Variants in WDR27 observed in about 807,000 individuals in gnomAD.
WDR27 encodes the protein WD repeat-containing protein 27.
In WDR27, 100 loss-of-function variants were observed where a neutral mutation model predicts 114.4. The observed-to-expected ratio is 0.87, with a 90% CI of 0.74 to 1.03. The LOEUF (loss-of-function observed/expected upper bound fraction) is 1.03, where lower values mean the gene tolerates loss of function less well. Ranked by LOEUF, WDR27 falls within the 50% of genes least tolerant of loss-of-function variation. WDR27 has a pLI of 0.00. For missense variants in WDR27, 1,129 were observed against 1,092.9 expected (o/e 1.03, Z -0.47); for synonymous variants, 449 against 423.1 (o/e 1.06, Z -0.75).
chr6:169,625,279 T>C (rs2128205731), intron 21 of WDR27, among the ~76,000 whole-genome samples: 1 of 152,332 alleles, frequency 6.6e-6, no homozygotes, highest in South Asian at 2.1e-4. Context: ...TAGTAACGGA[T>C]GGCTCTGTCC....
the WDR27 span, among the ~76,000 whole-genome samples, chr6:169,451,287 G>A: frequency 2.0e-5 from 3 of 152,166 alleles, no homozygotes; most frequent in Non-Finnish European, 4.4e-5. Flanking sequence ...AGCCCCCTGC[G>A]CGCTTTGACT....
intron 23 of WDR27, among the ~76,000 whole-genome samples, chr6:169,592,572 T>C (rs972877493): frequency 6.6e-6 from 1 of 152,224 alleles, no homozygotes; most frequent in African/African-American, 2.4e-5. Context: ...AATTATTTTA[T>C]TGTTCATATT....
chr6:169,651,820 T>A (rs1822651803), intron 14 of WDR27, 110 bp downstream of exon 14: 2 of 926,216 alleles, frequency 2.2e-6, no homozygotes, highest in African/African-American at 1.7e-5. Flanking sequence ...TGCTATGTCC[T>A]CTCTCCATAC....
Position 169,620,487 on chromosome 6 carries a change from A to T in WDR27, c.2224-6831T>A, listed in dbSNP as rs192512841. Among the ~76,000 whole-genome samples, 4 of 152,270 alleles carry T rather than the reference A, an allele frequency of 2.6e-5. No homozygotes were observed. The East Asian group carries it at 7.7e-4, about 29-fold the overall frequency. On this transcript the variant is annotated intron_variant, in intron 21 of 25. Coordinates refer to ENST00000448612, the MANE Select transcript of WDR27 (RefSeq NM_182552.5). ...TTTATGTAAAAATGATGATTCACTG[A>T]GCTAGACTAAATTGTGTATTCAGTG...
chr6:169,672,333 G>T lies in WDR27; in HGVS notation c.253C>A (p.Pro85Thr). 6.2e-7 allele frequency: 1 copy of T among 1,613,112 alleles called. No homozygotes were observed. Among genetic ancestry groups the T allele is most frequent in the Non-Finnish European group, 8.5e-7 (1 of 1,179,398 alleles). The change falls in exon 3 of 26, where the codon CCA (proline) becomes ACA (threonine). Residue 85 changes from proline to threonine, a missense_variant. Physicochemically the swap from Pro to Thr is conservative, Grantham distance 38 (BLOSUM62 -1). Transcript: ENST00000448612. The part of the protein sequence containing the change: ...TAMAFGNKVN[P>T]LLICSASLDY... ...AGTGATGCTGAGCAGATTAGAAGTG[G>T]GTTCACTTTATTTCCAAAAGCCATA...
chr6:169,657,034 C>A (rs538543338), intron 13 of WDR27, among the ~76,000 whole-genome samples: 3 of 152,244 alleles, frequency 2.0e-5, no homozygotes, highest in Admixed American at 1.3e-4. Flanking sequence ...GAGCATAAAC[C>A]GGCAGGAGAC....
intron 25 of WDR27, among the ~76,000 whole-genome samples, chr6:169,520,854 G>T (rs1029398837): frequency 2.0e-5 from 3 of 152,056 alleles, no homozygotes; most frequent in African/African-American, 4.8e-5. Flanking sequence ...GGAAAAAAAT[G>T]AAAAGCAATG....
At chr6:169,536,102 G>GA (rs1267989221) in intron 25 of WDR27, among the ~76,000 whole-genome samples, 4 of 152,080 alleles carry the variant, frequency 2.6e-5, no homozygotes, top group African/African-American at 2.4e-5. Flanking sequence ...TGTGCCAACA[G>GA]AAAAAAATAG....
chr6:169,676,433 C>A (rs1407602891), intron 2 of WDR27, among the ~76,000 whole-genome samples: 1 of 152,152 alleles, frequency 6.6e-6, no homozygotes, highest in Non-Finnish European at 1.5e-5. Flanking sequence ...ATGTTAACTC[C>A]AATTATGTTT....
chr6:169,564,388 C>T (rs1800125996), intron 25 of WDR27, among the ~76,000 whole-genome samples: 1 of 152,228 alleles, frequency 6.6e-6, no homozygotes, highest in African/African-American at 2.4e-5. Context: ...CCTCTGGCAA[C>T]ACCCTCACAG....
chr6:169,481,584 G>A (rs902047437), intron 25 of WDR27, among the ~76,000 whole-genome samples: 3 of 152,294 alleles, frequency 2.0e-5, no homozygotes, highest in Non-Finnish European at 1.5e-5. Flanking sequence ...CACTCCTGAG[G>A]CCAGTGAGAC....
At chr6:169,481,362 TG>T (rs1244192517) in intron 25 of WDR27, among the ~76,000 whole-genome samples, 1 of 152,230 alleles carries the variant, frequency 6.6e-6, no homozygotes, top group Non-Finnish European at 1.5e-5. Flanking sequence ...ATCAGCTCTC[TG>T]TAAAATGGAC....
At chr6:169,638,785 G>T (rs370637049) in intron 17 of WDR27, 125 bp from the exon 18 acceptor site, 1 of 1,207,608 alleles carries the variant, frequency 8.3e-7, no homozygotes, top group Non-Finnish European at 1.1e-6. Flanking sequence ...TTAGGGGCGC[G>T]CCAGGAGGCT....
intron 25 of WDR27, among the ~76,000 whole-genome samples, chr6:169,539,228 C>T (rs1224798184): frequency 6.6e-6 from 1 of 152,232 alleles, no homozygotes; most frequent in African/African-American, 2.4e-5. Context: ...CTTCTGTCCA[C>T]TGCCTATAAG....
At chr6:169,529,661 T>A (rs1423294187) in intron 25 of WDR27, among the ~76,000 whole-genome samples, 1 of 152,164 alleles carries the variant, frequency 6.6e-6, no homozygotes, top group African/African-American at 2.4e-5. Context: ...AATAAACATA[T>A]TTTGGACAGG....
At chr6:169,697,025 G>A (rs1021539935) in intron 1 of WDR27, among the ~76,000 whole-genome samples, 1 of 152,198 alleles carries the variant, frequency 6.6e-6, no homozygotes, top group East Asian at 1.9e-4. Flanking sequence ...CCACCCAGGT[G>A]CCGAGGCAAG....
chr6:169,616,531 A>G (rs751636206), intron 21 of WDR27, among the ~76,000 whole-genome samples: 1 of 152,158 alleles, frequency 6.6e-6, no homozygotes, highest in East Asian at 1.9e-4. Flanking sequence ...CAAGATTACA[A>G]TCATAATGGT....
chr6:169,499,608 C>T (rs1011731046), intron 25 of WDR27, among the ~76,000 whole-genome samples: 6 of 152,202 alleles, frequency 3.9e-5, no homozygotes, highest in Non-Finnish European at 5.9e-5. Flanking sequence ...AGTCGCTTCC[C>T]GCAGTGTTGA....
rs768592234 is a variant in WDR27, at chr6:169,665,571, A to G, written c.713-15T>C. ...AAGAGGATATGCTGGTGAAAGGAACATCGGAAAATTTAGCTTTGTAAGTGC... is the reference window on the plus strand; with the variant it reads ...AAGAGGATATGCTGGTGAAAGGAACGTCGGAAAATTTAGCTTTGTAAGTGC... On this transcript the variant is annotated splice_polypyrimidine_tract_variant and intron_variant, in intron 6 of 25. Coordinates refer to ENST00000448612, the MANE Select transcript of WDR27 (RefSeq NM_182552.5). The G allele has an allele frequency of 2.5e-5, 40 of 1,610,126 alleles. No homozygotes were observed. Among genetic ancestry groups the G allele is most frequent in the Admixed American group, 3.4e-5 (2 of 59,342 alleles).
Sources: allele counts gnomAD v4.1 joint callset (sites outside exome capture counted in the v4.1 genomes callset), GRCh38; gene constraint gnomAD v4.1.1; transcripts MANE v1.5; gene names NCBI Gene and HGNC (gene_info 2026-07-23, HGNC 2026-07-21).